GOLIM4: variants seen among roughly 807,000 people sequenced by gnomAD.
GOLIM4 encodes 130 kDa golgi-localized phosphoprotein.
A neutral mutation model predicts 107.4 loss-of-function variants in GOLIM4; 71 were observed. The observed-to-expected ratio is 0.66, with a 90% CI of 0.55 to 0.81. The LOEUF is 0.81. Among genes scored for constraint, GOLIM4 ranks in the 30% least tolerant of loss-of-function variants. The probability of loss-of-function intolerance (pLI) is 0.00; values close to 1 mark genes in which losing one functional copy is unlikely to be tolerated. For synonymous variants in GOLIM4, 327 were observed against 294.8 expected, an observed-to-expected ratio of 1.11 and a Z score of -1.12; for missense variants, 830 against 826.1, an observed-to-expected ratio of 1.00 and a Z score of -0.06.
chr3:168,024,162 A>C (rs1470538737), intron 14 of GOLIM4, among the ~76,000 whole-genome samples: 1 of 152,204 alleles, frequency 6.6e-6, no homozygotes, highest in African/African-American at 2.4e-5. Context: ...AGATGCCTGA[A>C]GAGAAAGTTA....
At chr3:168,041,366 T>C (rs747942473) in intron 6 of GOLIM4, 26 bp downstream of exon 6, 14 of 1,336,032 alleles carry the variant, frequency 1.0e-5, no homozygotes, top group Middle Eastern at 1.8e-4. Flanking sequence ...AAACACTAAA[T>C]AGTGAAACGT....
intron 1 of GOLIM4, among the ~76,000 whole-genome samples, chr3:168,060,955 G>C (rs1720237158): frequency 6.6e-6 from 1 of 152,104 alleles, no homozygotes; most frequent in South Asian, 2.1e-4. Context: ...ATGTGTAGAA[G>C]ATAGAGCATC....
chr3:168,013,216 C>G (rs1473294608), intron 14 of GOLIM4, among the ~76,000 whole-genome samples: 1 of 149,062 alleles, frequency 6.7e-6, no homozygotes, highest in Non-Finnish European at 1.5e-5. Context: ...AAATGGAAAA[C>G]AAAAAAAGGC....
chr3:168,083,664 T>C (rs1721480519), intron 1 of GOLIM4, among the ~76,000 whole-genome samples: 1 of 152,200 alleles, frequency 6.6e-6, no homozygotes, highest in Non-Finnish European at 1.5e-5. Context: ...GAAAAATGAT[T>C]TAGCACAGTG....
chr3:168,041,760 G>A (rs141363455), intron 5 of GOLIM4, among the ~76,000 whole-genome samples: 98 of 152,206 alleles, frequency 6.4e-4, no homozygotes, highest in African/African-American at 2.0e-3. Flanking sequence ...AAAATGAGAT[G>A]TTAATGTCAA....
chr3:168,027,892 T>C, intron 11 of GOLIM4, 55 bp from the exon 12 acceptor site: 1 of 1,171,852 alleles, frequency 8.5e-7, no homozygotes, highest in East Asian at 2.3e-5. Context: ...AGGATTTCCC[T>C]TTCAACTCAA....
At chr3:168,023,627 G>T (rs891676569) in intron 14 of GOLIM4, among the ~76,000 whole-genome samples, 1 of 152,164 alleles carries the variant, frequency 6.6e-6, no homozygotes, top group African/African-American at 2.4e-5. Context: ...TCCCCATAGG[G>T]ATAAAACCAC....
chr3:168,078,349 T>G (rs1340902868), intron 1 of GOLIM4, among the ~76,000 whole-genome samples: 1 of 152,192 alleles, frequency 6.6e-6, no homozygotes, highest in East Asian at 1.9e-4. Flanking sequence ...AATTACATTT[T>G]TATACATCAA....
At position 168,036,579 on chromosome 3, in the gene GOLIM4, A is replaced by C. The variant is rs532505099; in HGVS notation, c.843+257T>G. Among the ~76,000 whole-genome samples the C allele has an allele frequency of 3.3e-5, 5 of 152,310 alleles. No homozygotes were observed. In the East Asian group the frequency reaches 9.6e-4, roughly 29 times the overall value. On this transcript the variant is annotated intron_variant, in intron 8 of 15. Coordinates refer to ENST00000470487, the MANE Select transcript of GOLIM4 (RefSeq NM_014498.5). ...AAAGAAAATACTAGCAGCAGTTCTC[A>C]AAGTTTGCTACTCAGACCAGCTAAA...
intron 8 of GOLIM4, among the ~76,000 whole-genome samples, chr3:168,035,373 A>G (rs1431866579): frequency 2.0e-5 from 3 of 152,254 alleles, no homozygotes; most frequent in African/African-American, 7.2e-5. Context: ...TATTCACAAT[A>G]GCAAAGACAT....
intron 1 of GOLIM4, among the ~76,000 whole-genome samples, chr3:168,060,812 C>G (rs143255302): frequency 1.0e-3 from 154 of 152,218 alleles, no homozygotes; most frequent in Admixed American, 1.6e-3. Flanking sequence ...ATGAGCTTTT[C>G]TAGGGGAGTT....
At chr3:168,052,382 ACT>A (rs1219215447) in intron 1 of GOLIM4, among the ~76,000 whole-genome samples, 10 of 151,560 alleles carry the variant, frequency 6.6e-5, no homozygotes, top group East Asian at 1.9e-4. Context: ...ACATACACAC[ACT>A]CTCTCACACA....
At chr3:168,031,381 G>C (rs1325187900) in intron 9 of GOLIM4, among the ~76,000 whole-genome samples, 1 of 152,136 alleles carries the variant, frequency 6.6e-6, no homozygotes, top group Admixed American at 6.5e-5. Flanking sequence ...GGGTTATCTA[G>C]GTTTGATGTG....
rs572850589 is a variant in GOLIM4 at position 168,077,540 on chromosome 3, C to G, written c.187+17559G>C. ...CCACCATCACCAAACCACAGCCAAA[C>G]TGCAGACCTGTGAACACAATTATAT... On this transcript the variant is annotated intron_variant, in intron 1 of 15. Transcript: ENST00000470487. 1.3e-4 allele frequency among the ~76,000 whole-genome samples: 20 copies of G among 152,308 alleles called. No individual in the cohort carries two copies. The South Asian group carries it at 3.9e-3, about 30-fold the overall frequency.
chr3:168,046,614 T>C (rs992705988), intron 3 of GOLIM4, among the ~76,000 whole-genome samples: 4 of 152,226 alleles, frequency 2.6e-5, no homozygotes, highest in African/African-American at 9.6e-5. Flanking sequence ...GGTCCTGTGT[T>C]GCATGTTACA....
chr3:168,037,064 A>ATTCATAGATGGGCATTTGT, intron 7 of GOLIM4, 70 bp from the exon 8 acceptor site: 2 of 1,004,630 alleles, frequency 2.0e-6, no homozygotes, highest in Non-Finnish European at 3.0e-6. Context: ...ATTTGGGTAC[A>ATTCATAGATGGGCATTTGT]CTGTAAAACT....
intron 1 of GOLIM4, among the ~76,000 whole-genome samples, chr3:168,082,442 C>T (rs1721420311): frequency 6.6e-6 from 1 of 152,152 alleles, no homozygotes; most frequent in Non-Finnish European, 1.5e-5. Context: ...TAAAGGGCCA[C>T]ATATGTACTC....
Position 168,044,888 on chromosome 3 carries a change from A to T in GOLIM4, c.313-7T>A, listed in dbSNP as rs1560086748. ...ATCTGCTATTGGAATCTTGCTGTAA[A>T]TCAAAAAAAAAAAAGAAAACACAAA... On this transcript the variant is annotated splice_polypyrimidine_tract_variant and splice_region_variant and intron_variant, in intron 3 of 15. Transcript: ENST00000470487. The T allele has an allele frequency of 6.7e-7, 1 of 1,489,866 alleles. No individual in the cohort carries two copies. Among genetic ancestry groups the T allele is most frequent in the Non-Finnish European group, 9.1e-7 (1 of 1,103,754 alleles). 92.3% of individuals were successfully genotyped at this position (1,489,866 alleles called of 1,614,324 possible).
intron 1 of GOLIM4, among the ~76,000 whole-genome samples, chr3:168,091,757 T>C (rs67208780): frequency 0.11 from 17,419 of 152,226 alleles, 1,201 homozygotes; most frequent in African/African-American, 0.19. Context: ...ATCCTCACAA[T>C]ACCTCTATAA....
Sources: gnomAD v4.1 joint callset for allele counts (sites outside exome capture counted in the v4.1 genomes callset) on GRCh38, gnomAD v4.1.1 for gene constraint, MANE v1.5 for transcripts, NCBI Gene and HGNC (gene_info 2026-07-23, HGNC 2026-07-21) for gene names.